Variants in FLVCR2 observed in about 807,000 individuals in gnomAD.
FLVCR2 encodes the protein FLVCR choline and putative heme transporter 2.
A neutral mutation model predicts 48.9 loss-of-function variants in FLVCR2; 38 were observed. The ratio of observed to expected loss-of-function variants is 0.78; its 90% CI spans 0.60 to 1.02. FLVCR2 has a LOEUF of 1.02. Ranked by LOEUF, FLVCR2 falls within the 50% of genes least tolerant of loss-of-function variation. The pLI, the probability that FLVCR2 is intolerant of heterozygous loss-of-function variation, is 0.00. For synonymous variants in FLVCR2, 255 were observed against 257.0 expected, an observed-to-expected ratio of 0.99 and a Z score of 0.07; for missense variants, 664 against 663.3, an observed-to-expected ratio of 1.00 and a Z score of -0.01.
intron 1 of FLVCR2, among the ~76,000 whole-genome samples, chr14:75,580,821 A>G (rs1236569804): frequency 3.3e-5 from 5 of 152,090 alleles, no homozygotes; most frequent in Admixed American, 3.3e-4. Context: ...AGTTAAGGCT[A>G]TTTTCACTTT....
intron 3 of FLVCR2, chr14:75,631,826 G>A (rs984224011): frequency 2.6e-5 from 12 of 455,976 alleles, no homozygotes; most frequent in Non-Finnish European, 4.9e-5. Context: ...AAGTGGCTGA[G>A]TATGTACTAT....
intron 1 of FLVCR2, among the ~76,000 whole-genome samples, chr14:75,588,009 T>C (rs1888792472): frequency 6.6e-6 from 1 of 152,242 alleles, no homozygotes; most frequent in African/African-American, 2.4e-5. Context: ...AAAATAGCAC[T>C]GTCCAATAGA....
intron 1 of FLVCR2, among the ~76,000 whole-genome samples, chr14:75,601,461 T>C (rs1889165046): frequency 6.6e-6 from 1 of 152,058 alleles, no homozygotes; most frequent in South Asian, 2.1e-4. Flanking sequence ...TGCTCAACAT[T>C]AGGGAAATAC....
Position 75,578,963 on chromosome 14 carries a change from G to A in FLVCR2, c.-10G>A, listed in dbSNP as rs1888521793. 1 of 1,613,942 alleles carries A rather than the reference G, an allele frequency of 6.2e-7. No individual in the cohort carries two copies. Among genetic ancestry groups the A allele is most frequent in the Non-Finnish European group, 8.5e-7 (1 of 1,179,944 alleles). On this transcript the variant is annotated 5_prime_UTR_variant, in exon 1 of 10. Transcript: ENST00000238667. The stretch of plus-strand genomic sequence containing the variant: ...ACCACTTCTCCAGGATTCCAGAGGA[G>A]ACTGTGGCGATGGTGAATGAAGGTC...
intron 1 of FLVCR2, among the ~76,000 whole-genome samples, chr14:75,582,005 A>T (rs1888620945): frequency 6.6e-6 from 1 of 152,196 alleles, no homozygotes; most frequent in Non-Finnish European, 1.5e-5. Flanking sequence ...AGAGATTGGT[A>T]GGTTGAAGTT....
In FLVCR2 at chr14:75,647,564, A is replaced by C. The variant is rs986952754; in HGVS notation, c.*1092A>C. 1 of 152,642 alleles carries C rather than the reference A, an allele frequency of 6.6e-6. No homozygotes were observed. The highest frequency in any genetic ancestry group is 2.4e-5 in the African/African-American group (1 of 41,444). The allele number at this position is 152,642 out of a possible 1,614,324, so 9.5% of individuals were successfully genotyped here. A position where few individuals can be genotyped will look rare whatever the true frequency, so the allele number is the denominator to read the frequency against. On this transcript the variant is annotated 3_prime_UTR_variant, in exon 10 of 10. Coordinates refer to ENST00000238667, the MANE Select transcript of FLVCR2 (RefSeq NM_017791.3). ...CTCTGCTGGGGACAGTATTTGCACC[A>C]CCAACCCCTCTCCTCACCTGCTTTG...
intron 1 of FLVCR2, among the ~76,000 whole-genome samples, chr14:75,597,955 A>G (rs930956788): frequency 6.6e-6 from 1 of 152,060 alleles, no homozygotes; most frequent in African/African-American, 2.4e-5. Context: ...AGCAGCATGC[A>G]TGGGAAAAGA....
Position 75,633,004 on chromosome 14 carries a change from C to T in FLVCR2, c.953-625C>T. Reference sequence around the variant, plus strand: ...TGCTGTATGACTTTGGGCAAATGACCTTATTCGCTAAAGATACAGCCTTTC... The same window carrying T: ...TGCTGTATGACTTTGGGCAAATGACTTTATTCGCTAAAGATACAGCCTTTC... On this transcript the variant is annotated intron_variant, in intron 3 of 9. Transcript: ENST00000238667. 4 of 701,850 alleles carry T rather than the reference C, an allele frequency of 5.7e-6. No homozygotes were observed. In the East Asian group the frequency reaches 1.1e-4, roughly 19 times the overall value. The allele number at this position is 701,850 out of a possible 1,614,324, so 43.5% of individuals were successfully genotyped here. A position where few individuals can be genotyped will look rare whatever the true frequency, so the allele number is the denominator to read the frequency against.
chr14:75,633,017 G>A (rs1890083081), intron 3 of FLVCR2: 10 of 701,410 alleles, frequency 1.4e-5, no homozygotes, highest in Non-Finnish European at 2.3e-5. Flanking sequence ...ATTCGCTAAA[G>A]ATACAGCCTT....
chr14:75,583,432 TG>T (rs777824272), intron 1 of FLVCR2, among the ~76,000 whole-genome samples: 1 of 151,784 alleles, frequency 6.6e-6, no homozygotes, highest in African/African-American at 2.4e-5. Context: ...TGGTGTTGAG[TG>T]GGGTAAGAGT....
intron 3 of FLVCR2, among the ~76,000 whole-genome samples, chr14:75,629,542 C>A (rs973632056): frequency 1.3e-5 from 2 of 151,572 alleles, no homozygotes; most frequent in African/African-American, 2.4e-5. Context: ...GAGAAAGGAA[C>A]CTTCCTCTGG....
At chr14:75,597,230 A>T (rs532198394) in intron 1 of FLVCR2, among the ~76,000 whole-genome samples, 1 of 151,552 alleles carries the variant, frequency 6.6e-6, no homozygotes, top group African/African-American at 2.4e-5. Flanking sequence ...GCAGTGGGCC[A>T]TGATTATGCC....
At chr14:75,615,919 C>T (rs1447348740) in intron 1 of FLVCR2, among the ~76,000 whole-genome samples, 3 of 144,882 alleles carry the variant, frequency 2.1e-5, no homozygotes, top group South Asian at 2.2e-4. Flanking sequence ...CCCAGCTACT[C>T]GGGAAGCTGA....
intron 1 of FLVCR2, among the ~76,000 whole-genome samples, chr14:75,580,934 G>A (rs1361615876): frequency 1.3e-5 from 2 of 152,278 alleles, no homozygotes; most frequent in African/African-American, 4.8e-5. Flanking sequence ...TGACATTCCT[G>A]TCTTCTTATA....
chr14:75,629,970 G>T (rs1229323287), intron 3 of FLVCR2, among the ~76,000 whole-genome samples: 1 of 152,170 alleles, frequency 6.6e-6, no homozygotes, highest in East Asian at 1.9e-4. Context: ...TAAAATCCTG[G>T]CTGAGGAGTG....
intron 5 of FLVCR2, among the ~76,000 whole-genome samples, chr14:75,638,010 G>A (rs1242018819): frequency 6.6e-6 from 1 of 152,178 alleles, no homozygotes; most frequent in Non-Finnish European, 1.5e-5. Flanking sequence ...ACAGGGAAAT[G>A]TAACAGGGAG....
At chr14:75,620,556 G>T (rs1222396798) in intron 1 of FLVCR2, among the ~76,000 whole-genome samples, 1 of 152,222 alleles carries the variant, frequency 6.6e-6, no homozygotes, top group Admixed American at 6.5e-5. Context: ...GGCCAGTTGT[G>T]TTATCTGTTG....
intron 2 of FLVCR2, among the ~76,000 whole-genome samples, chr14:75,623,719 A>C (rs191277572): frequency 3.0e-4 from 46 of 152,008 alleles, no homozygotes; most frequent in African/African-American, 9.7e-4. Flanking sequence ...ACTGCCTGGG[A>C]GGTCCAGTGA....
intron 1 of FLVCR2, among the ~76,000 whole-genome samples, chr14:75,597,163 C>A (rs1198113372): frequency 6.6e-6 from 1 of 151,884 alleles, no homozygotes; most frequent in Non-Finnish European, 1.5e-5. Context: ...CACCTGTAGT[C>A]CTAGCTACTC....
Sources: allele counts gnomAD v4.1 joint callset (sites outside exome capture counted in the v4.1 genomes callset), GRCh38; gene constraint gnomAD v4.1.1; transcripts MANE v1.5; gene names NCBI Gene and HGNC (gene_info 2026-07-23, HGNC 2026-07-21).